NDUFAF2: variants seen among roughly 807,000 people sequenced by gnomAD.
NDUFAF2 encodes NADH dehydrogenase [ubiquinone] 1 alpha subcomplex assembly factor 2.
NDUFAF2 carries 13 observed loss-of-function variants against 22.8 expected under a neutral mutation model. That is an observed-to-expected ratio of 0.57 (90% CI 0.37 to 0.91). NDUFAF2 has a LOEUF of 0.91. NDUFAF2 is among the 40% of genes least tolerant of loss of function. The pLI is 0.01. For missense variants in NDUFAF2, 162 were observed against 195.2 expected (o/e 0.83, Z 1.01); for synonymous variants, 53 against 64.2 (o/e 0.83, Z 0.84).
chr5:60,945,332 A>T lies in NDUFAF2; in HGVS notation c.77A>T (p.Asp26Val). ...GAAGTGAAGGAGCACGTGGGCACGGACCAATTCGGGAACAAATACTACTAC... is the reference window on the plus strand; with the variant it reads ...GAAGTGAAGGAGCACGTGGGCACGGTCCAATTCGGGAACAAATACTACTAC... ...SREVKEHVGT[D>V]QFGNKYYYIP... Residue 26 changes from aspartate to valine, a missense_variant, in exon 1 of 4, where the codon GAC (aspartate) becomes GTC (valine). Around this residue, in one of 2 missense-constraint regions of NDUFAF2, gnomAD observed 94 missense variants for 85.2 expected, o/e 1.10. Coordinates refer to ENST00000296597, the MANE Select transcript of NDUFAF2 (RefSeq NM_174889.5). The T allele has an allele frequency of 2.5e-6, 4 of 1,614,156 alleles. No homozygotes were observed. The highest frequency in any genetic ancestry group is 3.4e-6 in the Non-Finnish European group (4 of 1,180,022).
intron 1 of NDUFAF2, among the ~76,000 whole-genome samples, chr5:61,023,973 G>A (rs545285821): frequency 7.9e-5 from 12 of 152,164 alleles, no homozygotes. Context: ...TACAGTGTCT[G>A]TTTAAGCTTA....
At chr5:61,013,583 T>C (rs56113732) in intron 1 of NDUFAF2, among the ~76,000 whole-genome samples, 2,593 of 152,272 alleles carry the variant, frequency 0.017, 81 homozygotes, top group African/African-American at 0.059. Context: ...AATTCACTGC[T>C]CTGAATTATA....
At chr5:61,028,970 G>GTAGCTTACTCTTTGCCGTCTTA (rs1751690410) in intron 1 of NDUFAF2, among the ~76,000 whole-genome samples, 1 of 138,776 alleles carries the variant, frequency 7.2e-6, no homozygotes, top group Admixed American at 6.8e-5. Context: ...TTGCAGTCTT[G>GTAGCTTACTCTTTGCCGTCTTA]TGGCTTACTC....
intron 3 of NDUFAF2, among the ~76,000 whole-genome samples, chr5:61,138,490 G>A (rs1579850694): frequency 6.6e-6 from 1 of 152,146 alleles, no homozygotes; most frequent in African/African-American, 2.4e-5. Context: ...CCCAGTAACA[G>A]CCTCCTCCCC....
intron 1 of NDUFAF2, among the ~76,000 whole-genome samples, chr5:61,029,247 T>G (rs1751694216): frequency 6.6e-6 from 1 of 152,090 alleles, no homozygotes; most frequent in African/African-American, 2.4e-5. Flanking sequence ...TGTCTCCACC[T>G]TTCTCTCAAT....
chr5:60,994,625 A>T (rs1008265792), intron 1 of NDUFAF2, among the ~76,000 whole-genome samples: 1 of 152,044 alleles, frequency 6.6e-6, no homozygotes, highest in Admixed American at 6.5e-5. Context: ...TCCTTTCTTT[A>T]TCCCTGACCT....
intron 2 of NDUFAF2, among the ~76,000 whole-genome samples, chr5:61,075,145 G>A (rs1422345700): frequency 1.3e-5 from 2 of 152,118 alleles, no homozygotes; most frequent in African/African-American, 2.4e-5. Flanking sequence ...GCCTAAAAAG[G>A]TTAGTTAATT....
At chr5:61,031,527 A>G (rs1011927384) in intron 1 of NDUFAF2, among the ~76,000 whole-genome samples, 13 of 151,910 alleles carry the variant, frequency 8.6e-5, no homozygotes, top group African/African-American at 3.1e-4. Flanking sequence ...GGTATACTGC[A>G]TAGTATTCCA....
At chr5:61,141,515 T>A (rs1741057224) in intron 3 of NDUFAF2, among the ~76,000 whole-genome samples, 1 of 152,142 alleles carries the variant, frequency 6.6e-6, no homozygotes, top group Non-Finnish European at 1.5e-5. Flanking sequence ...ATTAGCCACA[T>A]AATTGGCCAT....
chr5:60,976,212 A>G (rs1004200073), intron 1 of NDUFAF2, among the ~76,000 whole-genome samples: 2 of 152,202 alleles, frequency 1.3e-5, no homozygotes, highest in Admixed American at 6.5e-5. Context: ...TACTAGATGT[A>G]AATTTTTAAA....
At chr5:60,945,880 T>C (rs1750440178) in intron 1 of NDUFAF2, among the ~76,000 whole-genome samples, 1 of 152,206 alleles carries the variant, frequency 6.6e-6, no homozygotes, top group Admixed American at 6.5e-5. Context: ...TCTTCTTTCT[T>C]GGTGTTTACC....
intron 1 of NDUFAF2, among the ~76,000 whole-genome samples, chr5:61,022,889 C>T (rs1484443357): frequency 6.6e-6 from 1 of 152,236 alleles, no homozygotes; most frequent in Non-Finnish European, 1.5e-5. Context: ...AGGTGATCTG[C>T]CTGCCTCAGC....
intron 2 of NDUFAF2, among the ~76,000 whole-genome samples, chr5:61,074,686 G>C (rs1752344637): frequency 6.6e-6 from 1 of 152,186 alleles, no homozygotes; most frequent in Non-Finnish European, 1.5e-5. Context: ...CTTGAACCCG[G>C]GAGGCAGAGG....
chr5:60,946,784 T>TC (rs2112560004), intron 1 of NDUFAF2, among the ~76,000 whole-genome samples: 1 of 152,328 alleles, frequency 6.6e-6, no homozygotes, highest in South Asian at 2.1e-4. Context: ...CAGAATTTCC[T>TC]CCAACTCCTT....
At chr5:61,069,099 A>G (rs571598295) in intron 1 of NDUFAF2, among the ~76,000 whole-genome samples, 1 of 151,152 alleles carries the variant, frequency 6.6e-6, no homozygotes, top group South Asian at 2.1e-4. Context: ...TATCTGGCAC[A>G]TGGTAAACAT....
chr5:60,960,902 AAATTATTTTC>A (rs1190774462), intron 1 of NDUFAF2, among the ~76,000 whole-genome samples: 1 of 152,148 alleles, frequency 6.6e-6, no homozygotes, highest in Non-Finnish European at 1.5e-5. Context: ...AAATGACAGA[AAATTATTTTC>A]TGTTTTATTT....
chr5:60,965,343 C>T (rs1750746381), intron 1 of NDUFAF2, among the ~76,000 whole-genome samples: 1 of 151,870 alleles, frequency 6.6e-6, no homozygotes, highest in South Asian at 2.1e-4. Flanking sequence ...AGCTGATGAA[C>T]ATATCTACAC....
At chr5:61,092,381 C>T (rs978390959) in intron 2 of NDUFAF2, among the ~76,000 whole-genome samples, 2 of 152,204 alleles carry the variant, frequency 1.3e-5, no homozygotes, top group East Asian at 3.9e-4. Flanking sequence ...TTTGTGTCAT[C>T]TCTGATTTTT....
At chr5:61,128,915 G>GTATCC (rs1188348503) in intron 3 of NDUFAF2, among the ~76,000 whole-genome samples, 1 of 151,996 alleles carries the variant, frequency 6.6e-6, no homozygotes, top group Non-Finnish European at 1.5e-5. Context: ...CAAAGGGCTA[G>GTATCC]TATCCAGAAT....
Sources: gnomAD v4.1 joint callset for allele counts (sites outside exome capture counted in the v4.1 genomes callset) on GRCh38, gnomAD v4.1.1 for gene constraint, gnomAD v4.1.1 regional missense constraint, MANE v1.5 for transcripts, NCBI Gene and HGNC (gene_info 2026-07-23, HGNC 2026-07-21) for gene names.